CCDC33: variants seen among roughly 807,000 people sequenced by gnomAD.
CCDC33 encodes the protein coiled-coil domain containing 33.
CCDC33 carries 94 observed loss-of-function variants against 91.9 expected under a neutral mutation model. That is an observed-to-expected ratio of 1.02 (90% confidence interval 0.87 to 1.21). The LOEUF (loss-of-function observed/expected upper bound fraction) is 1.21, where lower values mean the gene tolerates loss of function less well. Among genes scored for constraint, CCDC33 ranks in the 50% most tolerant of loss-of-function variants. The pLI is 0.00. For missense variants in CCDC33, 940 were observed against 935.5 expected (o/e 1.00, Z -0.06); for synonymous variants, 396 against 374.5 (o/e 1.06, Z -0.66).
chr15:74,311,590 G>A (rs2059994891), intron 11 of CCDC33: 2 of 152,250 alleles, frequency 1.3e-5, no homozygotes, highest in Admixed American at 6.5e-5. Flanking sequence ...ATCCCAGAAA[G>A]AGTGTGTGGG....
intron 10 of CCDC33, among the ~76,000 whole-genome samples, chr15:74,289,042 A>C (rs956444458): frequency 6.6e-6 from 1 of 152,178 alleles, no homozygotes; most frequent in Non-Finnish European, 1.5e-5. Flanking sequence ...TGCTGAACTC[A>C]TCAGGGATGA....
intron 2 of CCDC33, among the ~76,000 whole-genome samples, chr15:74,253,360 C>T (rs1432767269): frequency 6.6e-6 from 1 of 152,208 alleles, no homozygotes; most frequent in Non-Finnish European, 1.5e-5. Context: ...TCACATGCCA[C>T]AGGGTCTAGC....
At chr15:74,281,086 G>C (rs2142498693) in intron 9 of CCDC33, among the ~76,000 whole-genome samples, 1 of 152,346 alleles carries the variant, frequency 6.6e-6, no homozygotes, top group South Asian at 2.1e-4. Flanking sequence ...AAGAGTTCAG[G>C]CTTTCAGCCA....
intron 2 of CCDC33, among the ~76,000 whole-genome samples, chr15:74,220,675 T>C (rs1018150647): frequency 6.6e-6 from 1 of 152,112 alleles, no homozygotes; most frequent in Admixed American, 6.5e-5. Context: ...AGCCATCATC[T>C]CCCCACCATG....
chr15:74,303,845 C>T (rs2059841515), intron 11 of CCDC33: 1 of 152,322 alleles, frequency 6.6e-6, no homozygotes, highest in South Asian at 2.1e-4. Context: ...AGGCAACCGA[C>T]CTAAGCCATG....
intron 16 of CCDC33, chr15:74,333,444 G>T (rs1051769296): frequency 2.6e-6 from 2 of 775,368 alleles, no homozygotes; most frequent in Admixed American, 4.4e-5. Flanking sequence ...ATTGGGCAGG[G>T]CAGGGGCACA....
intron 2 of CCDC33, among the ~76,000 whole-genome samples, chr15:74,253,916 G>A (rs2142326976): frequency 6.6e-6 from 1 of 151,860 alleles, no homozygotes; most frequent in Admixed American, 6.5e-5. Context: ...GGGTTTCACT[G>A]TGTTGCCCAG....
chr15:74,275,862 T>G (rs2076436030), intron 7 of CCDC33, among the ~76,000 whole-genome samples: 1 of 152,102 alleles, frequency 6.6e-6, no homozygotes, highest in African/African-American at 2.4e-5. Context: ...AGAGATAGGG[T>G]TCAACCATGT....
intron 2 of CCDC33, among the ~76,000 whole-genome samples, chr15:74,210,448 G>A (rs555360896): frequency 2.4e-4 from 37 of 152,222 alleles, no homozygotes; most frequent in East Asian, 2.1e-3. Flanking sequence ...TACATAAATC[G>A]TGATCTCATT....
At chr15:74,207,932 A>G (rs2142114011) in intron 1 of CCDC33, 1 of 1,451,704 alleles carries the variant, frequency 6.9e-7, no homozygotes, top group Non-Finnish European at 9.1e-7. Flanking sequence ...AGTATGGGTG[A>G]CTCTCCACCT....
upstream of CCDC33, among the ~76,000 whole-genome samples, chr15:74,231,454 G>T (rs1289666688): frequency 6.6e-6 from 1 of 152,240 alleles, no homozygotes; most frequent in Non-Finnish European, 1.5e-5. Flanking sequence ...AGGCTGCACT[G>T]CCGCAGAGCC....
At chr15:74,222,582 G>T (rs1722844357) in intron 2 of CCDC33, among the ~76,000 whole-genome samples, 1 of 148,690 alleles carries the variant, frequency 6.7e-6, no homozygotes, top group Non-Finnish European at 1.5e-5. Context: ...TTTCCCCCAA[G>T]GGGAAAAAAA....
chr15:74,306,597 G>T (rs766203381), intron 11 of CCDC33, among the ~76,000 whole-genome samples: 1 of 152,188 alleles, frequency 6.6e-6, no homozygotes, highest in Non-Finnish European at 1.5e-5. Context: ...GCACTGTGGG[G>T]CCCCAGGGCT....
chr15:74,217,164 TG>T, upstream of CCDC33: 2 of 754,086 alleles, frequency 2.7e-6, no homozygotes, highest in Non-Finnish European at 3.6e-6. Context: ...CAGAGGTGGG[TG>T]GGGAGTGTCC....
In CCDC33 at chr15:74,284,201, G is replaced by T. The variant is rs141877525; in HGVS notation, c.1095+2352G>T. ...TTATTCCATGTATATTTGATGAGGAGTCACTGCATGTCAGGTAGCATGCAA... is the reference window on the plus strand; with the variant it reads ...TTATTCCATGTATATTTGATGAGGATTCACTGCATGTCAGGTAGCATGCAA... On this transcript the variant is annotated intron_variant, in intron 10 of 18. Transcript: ENST00000398814. Among the ~76,000 whole-genome samples, 937 of 152,324 alleles carry T rather than the reference G, an allele frequency of 6.2e-3. 8 individuals carry two copies. Among genetic ancestry groups the T allele is most frequent in the Middle Eastern group, 0.058 (17 of 294 alleles).
chr15:74,335,283 G>A (rs1006734465), intron 18 of CCDC33, 195 bp downstream of exon 18: 1 of 653,634 alleles, frequency 1.5e-6, no homozygotes. Context: ...CCTGTCTAAG[G>A]GGAACAGAAA....
At chr15:74,311,176 C>T (rs2059987057) in intron 11 of CCDC33, among the ~76,000 whole-genome samples, 1 of 152,146 alleles carries the variant, frequency 6.6e-6, no homozygotes, top group South Asian at 2.1e-4. Context: ...ATGGTCCCTC[C>T]CAAGGCTAAA....
chr15:74,273,453 C>T lies in CCDC33; in HGVS notation c.759+562C>T, dbSNP rs963948452. Among the ~76,000 whole-genome samples the T allele has an allele frequency of 5.9e-5, 9 of 152,320 alleles. No individual in the cohort carries two copies. In the East Asian group the frequency reaches 9.6e-4, roughly 16 times the overall value. ...GGCTACAATGGTGAATGTTGTGTTA[C>T]GTATATTTTAACCCAGTAAAAAAAT... On this transcript the variant is annotated intron_variant, in intron 7 of 18. Coordinates refer to ENST00000398814, the MANE Select transcript of CCDC33 (RefSeq NM_025055.5).
intron 4 of CCDC33, among the ~76,000 whole-genome samples, chr15:74,267,278 C>G (rs976413920): frequency 1.2e-4 from 18 of 152,210 alleles, no homozygotes; most frequent in African/African-American, 4.1e-4. Context: ...AGGGTGAGCC[C>G]AAGTCATGCT....
Sources: allele counts gnomAD v4.1 joint callset (sites outside exome capture counted in the v4.1 genomes callset), GRCh38; gene constraint gnomAD v4.1.1; transcripts MANE v1.5; gene names NCBI Gene and HGNC (gene_info 2026-07-23, HGNC 2026-07-21).